DUOX1: variants seen among roughly 807,000 people sequenced by gnomAD.
The protein encoded by DUOX1 is dual oxidase 1.
A neutral mutation model predicts 181.8 loss-of-function variants in DUOX1; 134 were observed. That is an observed-to-expected ratio of 0.74 (90% CI 0.64 to 0.85). The LOEUF (loss-of-function observed/expected upper bound fraction) is 0.85, where lower values mean the gene tolerates loss of function less well. DUOX1 is among the 40% of genes least tolerant of loss of function. The pLI is 0.00. For missense variants in DUOX1, 1,814 were observed against 2,064.4 expected, an observed-to-expected ratio of 0.88 and a Z score of 2.35; for synonymous variants, 798 against 832.5, an observed-to-expected ratio of 0.96 and a Z score of 0.71.
chr15:45,132,517 CTG>C (rs1467410854), intron 2 of DUOX1, among the ~76,000 whole-genome samples: 2 of 152,222 alleles, frequency 1.3e-5, no homozygotes, highest in Admixed American at 6.5e-5. Context: ...TTGCTGGAAT[CTG>C]AGGCTGCTCT....
Position 45,164,807 on chromosome 15 carries a change from G to GC in DUOX1, c.4568dup (p.Gly1524TrpfsTer26), listed in dbSNP as rs751561010. On this transcript the variant is annotated frameshift_variant, in exon 34 of 34. Transcript: ENST00000389037. LOFTEE classifies it high-confidence loss of function. ...CGGAAGATCGGGGTGTTTAGCTGTG[G>GC]CCCCCCTGGCATGACCAAGAATGTG... 39 of 1,613,962 alleles carry GC rather than the reference G, an allele frequency of 2.4e-5. No homozygotes were observed. The highest frequency in any genetic ancestry group is 4.0e-5 in the African/African-American group (3 of 74,882).
Position 45,148,281 on chromosome 15 carries a change from C to G in DUOX1, c.2652C>G (p.Ile884Met). The change falls in exon 21 of 34, where the codon ATC becomes ATG. Residue 884 changes from isoleucine to methionine, a missense_variant. Ile to Met is a conservative substitution (Grantham distance 10). Coordinates refer to ENST00000389037, the MANE Select transcript of DUOX1 (RefSeq NM_175940.3). ...DEFIRMLRSF[I>M]EISNNCLSKA... ...TCTCCCCCAACCCCAGATCCTTCATCGAGATCTCCAACAACTGCCTGTCCA... is the reference window on the plus strand; with the variant it reads ...TCTCCCCCAACCCCAGATCCTTCATGGAGATCTCCAACAACTGCCTGTCCA... 1 of 1,614,226 alleles carries G rather than the reference C, an allele frequency of 6.2e-7. No individual in the cohort carries two copies. The highest frequency in any genetic ancestry group is 8.5e-7 in the Non-Finnish European group (1 of 1,180,046).
At chr15:45,158,700 C>CAA (rs58522871) in intron 28 of DUOX1, among the ~76,000 whole-genome samples, 3 of 47,042 alleles carry the variant, frequency 6.4e-5, no homozygotes, top group African/African-American at 3.0e-4. Flanking sequence ...ACTTCCATCT[C>CAA]AAAAAAAAAA....
Position 45,139,135 on chromosome 15 carries a change from C to A in DUOX1, c.1183C>A (p.Arg395=). The change falls in exon 11 of 34, where the codon CGA becomes AGA. Residue 395 remains arginine, a synonymous_variant. Coordinates refer to ENST00000389037, the MANE Select transcript of DUOX1 (RefSeq NM_175940.3). ...LLGMASQIAE[R]EDHVLVEDVR... Reference sequence around the variant, plus strand: ...GGGCATGGCCTCCCAGATCGCAGAGCGAGAGGACCATGTGTTGGTTGAAGA... The same window carrying A: ...GGGCATGGCCTCCCAGATCGCAGAGAGAGAGGACCATGTGTTGGTTGAAGA... 2 of 1,614,148 alleles carry A rather than the reference C, an allele frequency of 1.2e-6. No individual in the cohort carries two copies. Among genetic ancestry groups the A allele is most frequent in the Non-Finnish European group, 8.5e-7 (1 of 1,180,028 alleles).
In DUOX1 at chr15:45,141,079, T is replaced by C. The variant is rs770187387; in HGVS notation, c.1565+9T>C. ...GAGAACACCAGGAATGGGTAAGGCG[T>C]GCTGGGCCTCCGCCTCAGGCTCTAC... On this transcript the variant is annotated intron_variant, in intron 13 of 33. Coordinates refer to ENST00000389037, the MANE Select transcript of DUOX1 (RefSeq NM_175940.3). The C allele has an allele frequency of 1.5e-5, 24 of 1,614,084 alleles. No individual in the cohort carries two copies. Among genetic ancestry groups the C allele is most frequent in the Non-Finnish European group, 2.0e-5 (24 of 1,180,022 alleles).
At chr15:45,131,713 T>C (rs974654697) in intron 1 of DUOX1, 6 of 540,620 alleles carry the variant, frequency 1.1e-5, no homozygotes, top group Admixed American at 3.3e-5. Context: ...ATCTCCAGTG[T>C]CTATGTCAGT....
chr15:45,134,433 A>T, intron 4 of DUOX1, 124 bp downstream of exon 4: 1 of 1,050,394 alleles, frequency 9.5e-7, no homozygotes. Context: ...TGAGAGGTGG[A>T]GGAGGCAGTG....
In DUOX1 at chr15:45,144,085, C is replaced by T. The variant is rs201128714; in HGVS notation, c.1986C>T (p.Tyr662=). 5.0e-6 allele frequency: 8 copies of T among 1,614,062 alleles called. No individual in the cohort carries two copies. The highest frequency in any genetic ancestry group is 1.3e-5 in the African/African-American group (1 of 75,068). Residue 662 remains tyrosine, a synonymous_variant, in exon 17 of 34, where the codon TAC becomes TAT. Transcript: ENST00000389037. ...AGCCCTGCCGGCCCGTGCTTGTGTACCTGCAGCCCGGGCAGATCCGTGTGG... is the reference window on the plus strand; with the variant it reads ...AGCCCTGCCGGCCCGTGCTTGTGTATCTGCAGCCCGGGCAGATCCGTGTGG... ...HKEPCRPVLV[Y]LQPGQIRVVD... is the part of the protein sequence containing the mutation.
At chr15:45,134,737 TG>T (rs886633485) in intron 4 of DUOX1, among the ~76,000 whole-genome samples, 3 of 152,212 alleles carry the variant, frequency 2.0e-5, no homozygotes, top group African/African-American at 7.2e-5. Flanking sequence ...GAAGTCAAAG[TG>T]GGGGTGCTAG....
chr15:45,149,462 G>A (rs967858029), intron 21 of DUOX1, among the ~76,000 whole-genome samples: 2 of 152,316 alleles, frequency 1.3e-5, no homozygotes, highest in South Asian at 2.1e-4. Context: ...GTAAAACCAG[G>A]CTTGGGGATT....
rs765746160 is a variant in DUOX1, at chr15:45,144,188, C to T, written c.2089C>T (p.Arg697Cys). 1.5e-5 allele frequency: 24 copies of T among 1,614,018 alleles called. No individual in the cohort carries two copies. Among genetic ancestry groups the T allele is most frequent in the East Asian group, 1.1e-4 (5 of 44,904 alleles). Residue 697 changes from arginine to cysteine, a missense_variant, in exon 17 of 34, where the codon CGT (arginine) becomes TGT (cysteine). Transcript: ENST00000389037. ...GGTCAACTTCGTCCTGTCCAGCAAC[C>T]GTGGACGCCGCACTCTGCTGCTCAA... ...QKVNFVLSSN[R>C]GRRTLLLKIP...
chr15:45,153,979 T>C lies in DUOX1; in HGVS notation c.3553T>C (p.Trp1185Arg). 6.2e-7 allele frequency: 1 copy of C among 1,613,480 alleles called. No individual in the cohort carries two copies. Among genetic ancestry groups the C allele is most frequent in the Non-Finnish European group, 8.5e-7 (1 of 1,179,464 alleles). ...GSELPQKYYW[W>R]FFQTVPGLTG... Reference sequence around the variant, plus strand: ...TGAGCTCCCCCAGAAGTATTACTGGTGGTTCTTCCAGACCGTACCAGGTGA... The same window carrying C: ...TGAGCTCCCCCAGAAGTATTACTGGCGGTTCTTCCAGACCGTACCAGGTGA... The change falls in exon 27 of 34, where the codon TGG becomes CGG. Residue 1185 changes from tryptophan (W) to arginine (R), a missense_variant. By Grantham distance (101) the Trp-to-Arg change is moderately radical. Transcript: ENST00000389037.
chr15:45,136,849 C>A (rs1328169753), intron 9 of DUOX1, among the ~76,000 whole-genome samples: 1 of 151,894 alleles, frequency 6.6e-6, no homozygotes, highest in Non-Finnish European at 1.5e-5. Flanking sequence ...ATTACCCTCC[C>A]CCCCACCATT....
chr15:45,134,086 A>G, intron 3 of DUOX1, 59 bp from the exon 4 acceptor site: 1 of 1,536,566 alleles, frequency 6.5e-7, no homozygotes, highest in Non-Finnish European at 8.8e-7. Context: ...AGCCTGGGAG[A>G]GAGGGGGTCA....
Position 45,153,450 on chromosome 15 carries a change from C to T in DUOX1, c.3495C>T (p.Cys1165=). Residue 1165 remains cysteine (C), a synonymous_variant, in exon 26 of 34, where the codon TGC becomes TGT. Transcript: ENST00000389037. ...TCAGCCCCCTCAGCGTCCTCTCTTG[C>T]CTCTTTCCTGGCCTCTTCCATGATG... ...FSISPLSVLS[C]LFPGLFHDDG... The T allele has an allele frequency of 6.2e-7, 1 of 1,613,342 alleles. No homozygotes were observed. Among genetic ancestry groups the T allele is most frequent in the Non-Finnish European group, 8.5e-7 (1 of 1,179,898 alleles).
At position 45,162,308 on chromosome 15, in the gene DUOX1, C is replaced by T. The variant is rs768386196; in HGVS notation, c.4179C>T (p.Thr1393=). The part of the protein sequence containing the change: ...SVLVGGGIGV[T]PFASILKDLV... ...TAGTGGGAGGGGGCATTGGGGTCAC[C>T]CCTTTTGCCTCCATCCTCAAAGACC... is the stretch of plus-strand genomic sequence containing the variant. Residue 1393 remains threonine, a synonymous_variant, in exon 31 of 34, where the codon ACC becomes ACT. Transcript: ENST00000389037. The T allele has an allele frequency of 6.2e-7, 1 of 1,614,040 alleles. No homozygotes were observed. The highest frequency in any genetic ancestry group is 8.5e-7 in the Non-Finnish European group (1 of 1,179,986).
chr15:45,142,210 A>G, intron 15 of DUOX1, 98 bp downstream of exon 15: 1 of 1,359,368 alleles, frequency 7.4e-7, no homozygotes, highest in Non-Finnish European at 1.0e-6. Context: ...CAAACCACAC[A>G]GAGCATGGTC....
chr15:45,159,830 C>T (rs769276187), intron 28 of DUOX1, among the ~76,000 whole-genome samples: 19 of 152,112 alleles, frequency 1.2e-4, no homozygotes, highest in African/African-American at 4.6e-4. Context: ...GTGGGGAAAA[C>T]GACAGTAAAC....
chr15:45,147,791 C>T, intron 19 of DUOX1, 113 bp from the exon 20 acceptor site: 1 of 1,526,112 alleles, frequency 6.6e-7, no homozygotes, highest in Non-Finnish European at 9.1e-7. Flanking sequence ...AGCAGAGCGA[C>T]CCTTGCTGTG....
Sources: allele counts gnomAD v4.1 joint callset (sites outside exome capture counted in the v4.1 genomes callset), GRCh38; gene constraint gnomAD v4.1.1; transcripts MANE v1.5; gene names NCBI Gene and HGNC (gene_info 2026-07-23, HGNC 2026-07-21).